Variants in FLG2 observed in about 807,000 individuals in gnomAD.
The protein encoded by FLG2 is filaggrin-2.
A neutral mutation model predicts 3.9 loss-of-function variants in FLG2; 7 were observed. The ratio of observed to expected loss-of-function variants is 1.79; its 90% CI spans 1.02 to 3.36. FLG2 has a LOEUF of 3.36. Among genes scored for constraint, FLG2 ranks in the 30% most tolerant of loss-of-function variants. The pLI, the probability that FLG2 is intolerant of heterozygous loss-of-function variation, is 0.00. For synonymous variants in FLG2, 1,031 were observed against 1,056.1 expected, an observed-to-expected ratio of 0.98 and a Z score of 0.46; for missense variants, 2,700 against 2,809.4, an observed-to-expected ratio of 0.96 and a Z score of 0.88.
Position 152,351,184 on chromosome 1 carries a change from T to C in FLG2, c.6602A>G (p.His2201Arg). 1.2e-6 allele frequency: 2 copies of C among 1,613,860 alleles called. No individual in the cohort carries two copies. The highest frequency in any genetic ancestry group is 1.7e-6 in the Non-Finnish European group (2 of 1,179,948). The change falls in exon 3 of 3, where the codon CAC (histidine) becomes CGC (arginine). Residue 2201 changes from histidine to arginine, a missense_variant. His to Arg is a conservative substitution (Grantham distance 29). Coordinates refer to ENST00000388718, the MANE Select transcript of FLG2 (RefSeq NM_001014342.3). ...TCCATGTCGAGATCCGGCTTGGCTG[T>C]GAGTGTGTCCTGAATGTGTGGGTGA... ...EASPTHSGHT[H>R]SQAGSRHGQS...
rs1654222638 is a variant in FLG2, at chr1:152,356,181, C to T, written c.1605G>A (p.Glu535=). The T allele has an allele frequency of 6.2e-6, 10 of 1,613,720 alleles. No individual in the cohort carries two copies. The East Asian group carries it at 6.7e-5, about 11-fold the overall frequency. The change falls in exon 3 of 3, where the codon GAG becomes GAA. Residue 535 remains glutamate, a synonymous_variant. Transcript: ENST00000388718. ...SGQSSGFGQH[E]SRSRQSSYGQ... ...CATAGCTAGACTGACGTGATCTAGA[C>T]TCATGTTGTCCAAAACCAGAGGATT...
intron 2 of FLG2, among the ~76,000 whole-genome samples, chr1:152,358,458 T>C (rs1487556463): frequency 4.6e-5 from 7 of 152,218 alleles, no homozygotes; most frequent in Non-Finnish European, 1.0e-4. Flanking sequence ...ATTTATTAAT[T>C]CGTGTCCTAG....
rs768873537 is a variant in FLG2, at chr1:152,354,439, C to T, written c.3347G>A (p.Gly1116Asp). The change falls in exon 3 of 3, where the codon GGC becomes GAC. Residue 1116 changes from glycine (G) to aspartate (D), a missense_variant. Gly to Asp is a moderately conservative substitution (Grantham distance 94, BLOSUM62 -1). Coordinates refer to ENST00000388718, the MANE Select transcript of FLG2 (RefSeq NM_001014342.3). The stretch of plus-strand genomic sequence containing the variant: ...CTGACCTGAGCCCGATCCATATTGG[C>T]CAAAGCCAGAGGACTGACCTGAGCC... ...RPGSGQSSGF[G>D]QYGSGSGQSS... 1.9e-6 allele frequency: 3 copies of T among 1,614,136 alleles called. No homozygotes were observed. Among genetic ancestry groups the T allele is most frequent in the Non-Finnish European group, 2.5e-6 (3 of 1,180,014 alleles).
intron 1 of FLG2, among the ~76,000 whole-genome samples, chr1:152,359,482 T>C (rs559481032): frequency 1.1e-4 from 16 of 152,194 alleles, no homozygotes; most frequent in Non-Finnish European, 1.8e-4. Flanking sequence ...GGAACTCTCT[T>C]AATGTCAAGC....
chr1:152,352,289 G>C lies in FLG2; in HGVS notation c.5497C>G (p.His1833Asp). 1 of 1,613,396 alleles carries C rather than the reference G, an allele frequency of 6.2e-7. No homozygotes were observed. The highest frequency in any genetic ancestry group is 8.5e-7 in the Non-Finnish European group (1 of 1,179,840). The change falls in exon 3 of 3, where the codon CAT (histidine) becomes GAT (aspartate). Residue 1833 changes from histidine (H) to aspartate (D), a missense_variant. Physicochemically the swap from His to Asp is moderately conservative, Grantham distance 81. Transcript: ENST00000388718. Reference protein sequence around the residue: ...GHTHGQAGSQHGESESIVDER... With the variant: ...GHTHGQAGSQDGESESIVDER... ...TCAACTATGGATTCTGACTCTCCATGTTGAGATCCAGCCTGGCCGTGAGTG... is the reference window on the plus strand; with the variant it reads ...TCAACTATGGATTCTGACTCTCCATCTTGAGATCCAGCCTGGCCGTGAGTG...
intron 1 of FLG2, among the ~76,000 whole-genome samples, chr1:152,359,616 C>T (rs904784695): frequency 1.3e-5 from 2 of 152,154 alleles, no homozygotes; most frequent in African/African-American, 4.8e-5. Context: ...AAGGAAGGGA[C>T]TCTGCAACAG....
rs747507220 is a variant in FLG2, at chr1:152,353,560, G to C, written c.4226C>G (p.Ser1409Cys). 3.7e-6 allele frequency: 6 copies of C among 1,613,964 alleles called. No homozygotes were observed. Among genetic ancestry groups the C allele is most frequent in the Non-Finnish European group, 5.1e-6 (6 of 1,180,000 alleles). Residue 1409 changes from serine to cysteine, a missense_variant, in exon 3 of 3, where the codon TCC (serine) becomes TGC (cysteine). Physicochemically the swap from Ser to Cys is moderately radical, Grantham distance 112. Transcript: ENST00000388718. ...AGTTGTCCTGGACCCTCTCTGTGTG[G>C]ACTGTCCATGACCAGAGTGGCCATG... is the stretch of plus-strand genomic sequence containing the variant. The part of the protein sequence containing the change: ...TGHGHSGHGQ[S>C]TQRGSRTTGR...
At position 152,356,652 on chromosome 1, in the gene FLG2, A is replaced by C. The variant is rs750305510; in HGVS notation, c.1134T>G (p.Ser378=). The part of the protein sequence containing the change: ...GQWRTGSSQS[S]CCGQYGSGGS... ...CTCCAGACCCATATTGTCCACAGCA[A>C]GAGGACTGACTTGAGCCTGTTCTCC... Residue 378 remains serine (S), a synonymous_variant, in exon 3 of 3, where the codon TCT becomes TCG. Coordinates refer to ENST00000388718, the MANE Select transcript of FLG2 (RefSeq NM_001014342.3). 1 of 1,614,238 alleles carries C rather than the reference A, an allele frequency of 6.2e-7. No individual in the cohort carries two copies. Among genetic ancestry groups the C allele is most frequent in the African/African-American group, 1.3e-5 (1 of 75,060 alleles).
rs771118318 is a variant in FLG2 at position 152,356,005 on chromosome 1, C to A, written c.1781G>T (p.Gly594Val). 6.2e-7 allele frequency: 1 copy of A among 1,613,566 alleles called. No individual in the cohort carries two copies. The highest frequency in any genetic ancestry group is 1.1e-5 in the South Asian group (1 of 90,970). Reference protein sequence around the residue: ...GSGSGQSSGFGQHGSGSGQSS... With the variant: ...GSGSGQSSGFVQHGSGSGQSS... ...TTGTCCTGAGCCAGACCCATGTTGT[C>A]CAAAGCCAGAGGACTGACCTGAGCC... Residue 594 changes from glycine to valine, a missense_variant, in exon 3 of 3, where the codon GGA (glycine) becomes GTA (valine). Physicochemically the swap from Gly to Val is moderately radical, Grantham distance 109. Transcript: ENST00000388718.
rs1237351261 is a variant in FLG2 at position 152,354,926 on chromosome 1, C to G, written c.2860G>C (p.Gly954Arg). Residue 954 changes from glycine (G) to arginine (R), a missense_variant, in exon 3 of 3, where the codon GGC becomes CGC. By Grantham distance (125) the Gly-to-Arg change is moderately radical. Transcript: ENST00000388718. ...QTFGFGQHRS[G>R]SGQSSGFGQH... is the part of the protein sequence containing the mutation. ...CCAAAGCCAGAGGATTGACCTGAGC[C>G]TGACCTGTGTTGTCCAAATCCAAAA... 2 of 1,607,250 alleles carry G rather than the reference C, an allele frequency of 1.2e-6. No homozygotes were observed. The highest frequency in any genetic ancestry group is 2.8e-5 in the African/African-American group (2 of 72,434).
chr1:152,358,599 T>C, intron 2 of FLG2, 148 bp downstream of exon 2: 1 of 696,292 alleles, frequency 1.4e-6, no homozygotes, highest in South Asian at 2.5e-5. Flanking sequence ...TATCTGCTGC[T>C]TTAACAGACT....
At position 152,351,841 on chromosome 1, in the gene FLG2, T is replaced by C. The variant is rs1385010322; in HGVS notation, c.5945A>G (p.His1982Arg). ...AACTGAGGATCCTGACTCTGGATAG[T>C]GAGATCCAGCTTGACCGTGAGTGTG... ...SGHTHGQAGSHYPESGSSVHE... is the reference protein window; with the variant it reads ...SGHTHGQAGSRYPESGSSVHE... Residue 1982 changes from histidine (H) to arginine (R), a missense_variant, in exon 3 of 3, where the codon CAC becomes CGC. Physicochemically the swap from His to Arg is conservative, Grantham distance 29. Coordinates refer to ENST00000388718, the MANE Select transcript of FLG2 (RefSeq NM_001014342.3). 6.2e-7 allele frequency: 1 copy of C among 1,612,706 alleles called. No homozygotes were observed. The highest frequency in any genetic ancestry group is 2.2e-5 in the East Asian group (1 of 44,816).
chr1:152,358,393 A>G lies in FLG2; in HGVS notation c.138+354T>C, dbSNP rs115734545. 7.3e-3 allele frequency among the ~76,000 whole-genome samples: 1,101 copies of G among 150,934 alleles called. 14 individuals are homozygous for G. Among genetic ancestry groups the G allele is most frequent in the African/African-American group, 0.025 (1,042 of 41,134 alleles). On this transcript the variant is annotated intron_variant, in intron 2 of 2. Transcript: ENST00000388718. The stretch of plus-strand genomic sequence containing the variant: ...ATTCTTAATCATGGCTATTTTGTCA[A>G]CTCCCTATGTAGATGATTTCCCTTT...
chr1:152,352,766 G>A lies in FLG2; in HGVS notation c.5020C>T (p.His1674Tyr), dbSNP rs765155173. The change falls in exon 3 of 3, where the codon CAT (histidine) becomes TAT (tyrosine). Residue 1674 changes from histidine (H) to tyrosine (Y), a missense_variant. Physicochemically the swap from His to Tyr is moderately conservative, Grantham distance 83. Coordinates refer to ENST00000388718, the MANE Select transcript of FLG2 (RefSeq NM_001014342.3). Reference protein sequence around the residue: ...GVSHTHTGHTHGQAGSQHGQS... With the variant: ...GVSHTHTGHTYGQAGSQHGQS... The stretch of plus-strand genomic sequence containing the variant: ...CCATGTTGAGATCCAGCTTGACCAT[G>A]AGTGTGTCCTGTATGTGTGTGTGAG... The A allele has an allele frequency of 2.5e-6, 4 of 1,613,812 alleles. No individual in the cohort carries two copies. The highest frequency in any genetic ancestry group is 2.2e-5 in the East Asian group (1 of 44,832).
chr1:152,351,035 T>C lies in FLG2; in HGVS notation c.6751A>G (p.Arg2251Gly), dbSNP rs1034518111. The C allele has an allele frequency of 3.7e-6, 6 of 1,612,474 alleles. No individual in the cohort carries two copies. Among genetic ancestry groups the C allele is most frequent in the Non-Finnish European group, 5.1e-6 (6 of 1,179,600 alleles). Reference protein sequence around the residue: ...TQRGSRTTGRRGSGHSESSDS... With the variant: ...TQRGSRTTGRGGSGHSESSDS... Reference sequence around the variant, plus strand: ...CTGGACTCACTGTGGCCAGATCCCCTTCTTCCAGTTGTCCTGGACCCTCTC... The same window carrying C: ...CTGGACTCACTGTGGCCAGATCCCCCTCTTCCAGTTGTCCTGGACCCTCTC... The change falls in exon 3 of 3, where the codon AGG becomes GGG. Residue 2251 changes from arginine (R) to glycine (G), a missense_variant. By Grantham distance (125) the Arg-to-Gly change is moderately radical. Coordinates refer to ENST00000388718, the MANE Select transcript of FLG2 (RefSeq NM_001014342.3).
At position 152,357,720 on chromosome 1, in the gene FLG2, C is replaced by T. The variant is rs111574552; in HGVS notation, c.139-73G>A. ...ATACTCAACTAACACATTTAAATAG[C>T]GCTGTGAAATTATGGATGTTTGACA... On this transcript the variant is annotated intron_variant, in intron 2 of 2. Transcript: ENST00000388718. The T allele has an allele frequency of 7.0e-4, 755 of 1,076,394 alleles. 1 individual carries two copies. The highest frequency in any genetic ancestry group is 1.5e-3 in the Admixed American group (65 of 44,002). The allele number at this position is 1,076,394 out of a possible 1,614,324, so 66.7% of individuals were successfully genotyped here.
rs1437589025 is a variant in FLG2, at chr1:152,355,720, C to T, written c.2066G>A (p.Gly689Asp). The T allele has an allele frequency of 1.2e-6, 2 of 1,613,714 alleles. No individual in the cohort carries two copies. The highest frequency in any genetic ancestry group is 1.7e-6 in the Non-Finnish European group (2 of 1,179,966). ...ACCATGTTGGCCATAGCTAGAATGA[C>T]CTGATCTAGACTCATGTTGTCCAAA... ...SGFGQHESRSGHSSYGQHGFG... is the reference protein window; with the variant it reads ...SGFGQHESRSDHSSYGQHGFG... The change falls in exon 3 of 3, where the codon GGT (glycine) becomes GAT (aspartate). Residue 689 changes from glycine (G) to aspartate (D), a missense_variant. Gly to Asp is a moderately conservative substitution (Grantham distance 94). Transcript: ENST00000388718.
Position 152,357,280 on chromosome 1 carries a change from G to C in FLG2, c.506C>G (p.Ser169Cys). 4 of 1,614,102 alleles carry C rather than the reference G, an allele frequency of 2.5e-6. No individual in the cohort carries two copies. The highest frequency in any genetic ancestry group is 3.4e-6 in the Non-Finnish European group (4 of 1,180,008). ...SRRLGRQGNL[S>C]SSGNQEGSQK... ...AGATCCCTCTTGGTTCCCAGAGCTG[G>C]ATAAATTACCTTGTCTTCCTAGCCT... The change falls in exon 3 of 3, where the codon TCC (serine) becomes TGC (cysteine). Residue 169 changes from serine to cysteine, a missense_variant. Physicochemically the swap from Ser to Cys is moderately radical, Grantham distance 112. Coordinates refer to ENST00000388718, the MANE Select transcript of FLG2 (RefSeq NM_001014342.3).
Position 152,358,817 on chromosome 1 carries a change from C to G in FLG2, c.68G>C (p.Gly23Ala), listed in dbSNP as rs368389588. ...ACCCTTGCTCAGTGTGCCACACTCC[C>G]CATCTTGCTTGGTGTATTTGTAGAA... Reference protein sequence around the residue: ...DVFYKYTKQDGECGTLSKGEL... With the variant: ...DVFYKYTKQDAECGTLSKGEL... Residue 23 changes from glycine (G) to alanine (A), a missense_variant, in exon 2 of 3, where the codon GGG (glycine) becomes GCG (alanine). By Grantham distance (60) the Gly-to-Ala change is moderately conservative. Transcript: ENST00000388718. 7.4e-6 allele frequency: 12 copies of G among 1,614,050 alleles called. No homozygotes were observed. Among genetic ancestry groups the G allele is most frequent in the East Asian group, 2.2e-5 (1 of 44,874 alleles).
Sources: allele counts gnomAD v4.1 joint callset (sites outside exome capture counted in the v4.1 genomes callset), GRCh38; gene constraint gnomAD v4.1.1; transcripts MANE v1.5; gene names NCBI Gene and HGNC (gene_info 2026-07-23, HGNC 2026-07-21).